Variants in XYLB observed in about 807,000 individuals in gnomAD.
The protein encoded by XYLB is xylulokinase.
XYLB carries 62 observed loss-of-function variants against 78.7 expected under a neutral mutation model. That is an observed-to-expected ratio of 0.79 (90% CI 0.64 to 0.97). The LOEUF (loss-of-function observed/expected upper bound fraction) is 0.97. XYLB is among the 50% of genes least tolerant of loss of function. XYLB has a pLI of 0.00. For missense variants in XYLB, 687 were observed against 676.8 expected, an observed-to-expected ratio of 1.02 and a Z score of -0.17; for synonymous variants, 245 against 247.4, an observed-to-expected ratio of 0.99 and a Z score of 0.09.
chr3:38,369,500 C>A (rs1404452423), intron 8 of XYLB, among the ~76,000 whole-genome samples: 2 of 152,218 alleles, frequency 1.3e-5, no homozygotes, highest in Admixed American at 1.3e-4. Flanking sequence ...CCCAGCCCAC[C>A]TCTGTCTGCC....
chr3:38,445,786 C>T, the XYLB span, among the ~76,000 whole-genome samples: 4 of 152,142 alleles, frequency 2.6e-5, no homozygotes, highest in Non-Finnish European at 4.4e-5. Flanking sequence ...GTCTTTAGTC[C>T]GGTGGCCACG....
intron 15 of XYLB, among the ~76,000 whole-genome samples, chr3:38,381,015 A>T (rs1707117909): frequency 6.6e-6 from 1 of 152,170 alleles, no homozygotes; most frequent in Admixed American, 6.5e-5. Context: ...TCACACCTGT[A>T]ATCTCCACAT....
rs551246988 is a variant in XYLB at position 38,404,919 on chromosome 3, C to T, written c.1533+3934C>T. Among the ~76,000 whole-genome samples the T allele has an allele frequency of 1.8e-4, 28 of 152,256 alleles. No individual in the cohort carries two copies. The East Asian group carries it at 2.5e-3, about 14-fold the overall frequency. ...ATGAGCTCCTACTTGTGTTTACTTG[C>T]GAGTCGCAGGAAAATCCGGGTCCTT... On this transcript the variant is annotated intron_variant, in intron 18 of 18. Transcript: ENST00000207870.
At chr3:38,407,848 T>C (rs913554394) in intron 18 of XYLB, among the ~76,000 whole-genome samples, 1 of 150,234 alleles carries the variant, frequency 6.7e-6, no homozygotes, top group African/African-American at 2.4e-5. Flanking sequence ...CCTAAATATA[T>C]ATGCACCCAA....
intron 6 of XYLB, among the ~76,000 whole-genome samples, chr3:38,366,198 C>T (rs1302718200): frequency 6.6e-6 from 1 of 151,950 alleles, no homozygotes; most frequent in Non-Finnish European, 1.5e-5. Context: ...ATTAGGCCAG[C>T]TTGGGTTACA....
chr3:38,374,046 T>C (rs1037579421), intron 10 of XYLB, among the ~76,000 whole-genome samples: 12 of 151,648 alleles, frequency 7.9e-5, no homozygotes, highest in African/African-American at 2.9e-4. Flanking sequence ...AAAAGATTGC[T>C]GTTGTGGGCT....
chr3:38,432,447 A>G, the XYLB span, among the ~76,000 whole-genome samples: 9 of 152,082 alleles, frequency 5.9e-5, no homozygotes, highest in African/African-American at 2.2e-4. Flanking sequence ...TGTGCCTGTA[A>G]TCCCAGCTAC....
At position 38,352,577 on chromosome 3, in the gene XYLB, C is replaced by T. The variant is rs894891358; in HGVS notation, c.140+3945C>T. Among the ~76,000 whole-genome samples the T allele has an allele frequency of 6.6e-5, 10 of 152,094 alleles. 1 individual carries two copies. In the South Asian group the frequency reaches 1.4e-3, roughly 22 times the overall value. ...ATCCTAGCACTTTGGGAGGCTGAAG[C>T]GGGTGGATTGCTTGAGTCCAGGAGT... On this transcript the variant is annotated intron_variant, in intron 2 of 18. Transcript: ENST00000207870.
intron 15 of XYLB, among the ~76,000 whole-genome samples, chr3:38,390,676 C>T (rs1707612582): frequency 6.6e-6 from 1 of 152,080 alleles, no homozygotes; most frequent in African/African-American, 2.4e-5. Flanking sequence ...GCATGCATCA[C>T]CGTTTCCAGC....
At chr3:38,373,717 A>C (rs1367448835) in intron 10 of XYLB, among the ~76,000 whole-genome samples, 1 of 152,218 alleles carries the variant, frequency 6.6e-6, no homozygotes, top group Non-Finnish European at 1.5e-5. Flanking sequence ...ATTGAACCTC[A>C]GTGGCAGTGT....
At chr3:38,432,310 G>A in the XYLB span, among the ~76,000 whole-genome samples, 3 of 152,184 alleles carry the variant, frequency 2.0e-5, no homozygotes, top group African/African-American at 7.2e-5. Flanking sequence ...GGCTCACGCC[G>A]GTAATCCCAA....
intron 15 of XYLB, among the ~76,000 whole-genome samples, chr3:38,383,926 T>C (rs1412248011): frequency 1.3e-5 from 2 of 152,228 alleles, no homozygotes; most frequent in Admixed American, 6.5e-5. Context: ...TTGTACCTTA[T>C]ATGCAAAGGG....
At chr3:38,382,137 G>A (rs1707176355) in intron 15 of XYLB, among the ~76,000 whole-genome samples, 1 of 152,136 alleles carries the variant, frequency 6.6e-6, no homozygotes, top group South Asian at 2.1e-4. Flanking sequence ...GAACCTACGT[G>A]ATTATCGGGG....
the XYLB span, among the ~76,000 whole-genome samples, chr3:38,446,685 A>G: frequency 6.6e-6 from 1 of 152,232 alleles, no homozygotes; most frequent in Non-Finnish European, 1.5e-5. Context: ...ACCCTCTTCA[A>G]TAAATAGTGC....
At chr3:38,382,396 G>A (rs952362088) in intron 15 of XYLB, among the ~76,000 whole-genome samples, 6 of 152,158 alleles carry the variant, frequency 3.9e-5, no homozygotes, top group African/African-American at 1.4e-4. Context: ...GGGCCTGTGG[G>A]GTGCTGTCAA....
intron 18 of XYLB, among the ~76,000 whole-genome samples, chr3:38,408,979 C>T (rs1325265708): frequency 6.6e-6 from 1 of 152,148 alleles, no homozygotes; most frequent in African/African-American, 2.4e-5. Context: ...TGGTACCATT[C>T]CTTCTGAAAC....
At chr3:38,441,066 T>C in the XYLB span, among the ~76,000 whole-genome samples, 2 of 152,192 alleles carry the variant, frequency 1.3e-5, no homozygotes, top group Non-Finnish European at 1.5e-5. Flanking sequence ...CTTATGCTGC[T>C]ATTCTCCCCT....
chr3:38,367,369 CTTG>C (rs1293222694), intron 7 of XYLB, among the ~76,000 whole-genome samples: 1 of 152,240 alleles, frequency 6.6e-6, no homozygotes, highest in Non-Finnish European at 1.5e-5. Flanking sequence ...GAAGCCAGCA[CTTG>C]TTGCTGCCTG....
At chr3:38,406,476 C>T (rs372135509) in intron 18 of XYLB, among the ~76,000 whole-genome samples, 85 of 152,200 alleles carry the variant, frequency 5.6e-4, no homozygotes, top group Non-Finnish European at 1.2e-3. Flanking sequence ...AAAAGCAGAG[C>T]GCCTCTCCTC....
Sources: gnomAD v4.1 joint callset for allele counts (sites outside exome capture counted in the v4.1 genomes callset) on GRCh38, gnomAD v4.1.1 for gene constraint, MANE v1.5 for transcripts, NCBI Gene and HGNC (gene_info 2026-07-23, HGNC 2026-07-21) for gene names.